Variants in ACVR2A observed in about 807,000 individuals in gnomAD.
ACVR2A encodes activin A receptor type 2A.
A neutral mutation model predicts 61.4 loss-of-function variants in ACVR2A; 7 were observed. The ratio of observed to expected loss-of-function variants is 0.11; its 90% confidence interval spans 0.06 to 0.21. The LOEUF (loss-of-function observed/expected upper bound fraction) is 0.21, where lower values mean the gene tolerates loss of function less well. Ranked by LOEUF, ACVR2A falls within the 10% of genes least tolerant of loss-of-function variation. The pLI, the probability that ACVR2A is intolerant of heterozygous loss-of-function variation, is 1.00. For synonymous variants in ACVR2A, 193 were observed against 208.3 expected, an observed-to-expected ratio of 0.93 and a Z score of 0.63; for missense variants, 322 against 621.7, an observed-to-expected ratio of 0.52 and a Z score of 5.13.
chr2:147,917,395 A>G lies in ACVR2A; in HGVS notation c.785A>G (p.Asp262Gly). Reference protein sequence around the residue: ...AEKRGTSVDVDLWLITAFHEK... With the variant: ...AEKRGTSVDVGLWLITAFHEK... The stretch of plus-strand genomic sequence containing the variant: ...AAACGAGGCACCAGTGTTGATGTGG[A>G]TCTTTGGCTGATCACAGCATTTCAT... Residue 262 changes from aspartate to glycine, a missense_variant, in exon 6 of 11, where the codon GAT becomes GGT. Around this residue, in one of 3 missense-constraint regions of ACVR2A, gnomAD observed 146 missense variants for 383.8 expected, o/e 0.38. Transcript: ENST00000241416. 1.2e-6 allele frequency: 2 copies of G among 1,612,272 alleles called. No homozygotes were observed. Among genetic ancestry groups the G allele is most frequent in the Non-Finnish European group, 1.7e-6 (2 of 1,178,844 alleles).
rs1055389369 is a variant in ACVR2A, at chr2:147,930,658, TG to T, written c.*3385del. 1 of 152,424 alleles carries T rather than the reference TG, an allele frequency of 6.6e-6. No individual in the cohort carries two copies. The highest frequency in any genetic ancestry group is 1.5e-5 in the Non-Finnish European group (1 of 67,978). The allele number at this position is 152,424 out of a possible 1,614,324, so 9.4% of individuals were successfully genotyped here. On this transcript the variant is annotated 3_prime_UTR_variant, in exon 11 of 11. Coordinates refer to ENST00000241416, the MANE Select transcript of ACVR2A (RefSeq NM_001616.5). ...TTCTTGTGTTTTGGGCACAGGTTAT[TG>T]TACTACTGTCAAATCGTACTTGCTA...
chr2:147,849,396 C>G (rs542001530), intron 1 of ACVR2A, among the ~76,000 whole-genome samples: 1 of 151,946 alleles, frequency 6.6e-6, no homozygotes, highest in Non-Finnish European at 1.5e-5. Context: ...GGTAGAAATT[C>G]TGTTTTTTTA....
At chr2:147,851,256 T>C (rs1206777981) in intron 1 of ACVR2A, among the ~76,000 whole-genome samples, 1 of 152,162 alleles carries the variant, frequency 6.6e-6, no homozygotes, top group East Asian at 1.9e-4. Flanking sequence ...GGTTCCTGCC[T>C]ATTTTTTCTA....
At chr2:147,866,673 T>G (rs1573919407) in intron 1 of ACVR2A, among the ~76,000 whole-genome samples, 1 of 152,016 alleles carries the variant, frequency 6.6e-6, no homozygotes. Context: ...TGCTAGCGAG[T>G]GTTAACTTCA....
At chr2:147,850,517 T>C (rs781593744) in intron 1 of ACVR2A, among the ~76,000 whole-genome samples, 2 of 152,182 alleles carry the variant, frequency 1.3e-5, no homozygotes, top group Non-Finnish European at 2.9e-5. Flanking sequence ...TTATTATTCA[T>C]TTATCATCTC....
rs1558819328 is a variant in ACVR2A at position 147,930,315 on chromosome 2, G to A, written c.*3041G>A. On this transcript the variant is annotated 3_prime_UTR_variant, in exon 11 of 11. Coordinates refer to ENST00000241416, the MANE Select transcript of ACVR2A (RefSeq NM_001616.5). ...GGTAGGGGAAAAAAAACCATGGCGA[G>A]ATGGTGGTTTAGTGGAATAAACTGA... is the stretch of plus-strand genomic sequence containing the variant. 6.6e-6 allele frequency: 1 copy of A among 150,792 alleles called. No homozygotes were observed. The highest frequency in any genetic ancestry group is 1.5e-5 in the Non-Finnish European group (1 of 67,730). The allele number at this position is 150,792 out of a possible 1,614,324, so 9.3% of individuals were successfully genotyped here. A position where few individuals can be genotyped will look rare whatever the true frequency, so the allele number is the denominator to read the frequency against.
At chr2:147,886,131 G>A (rs1025757467) in intron 1 of ACVR2A, among the ~76,000 whole-genome samples, 1 of 152,056 alleles carries the variant, frequency 6.6e-6, no homozygotes, top group African/African-American at 2.4e-5. Flanking sequence ...TCATTCTTTT[G>A]TATAGTATTC....
intron 6 of ACVR2A, 117 bp downstream of exon 6, chr2:147,917,543 C>T (rs1040618281): frequency 2.7e-6 from 3 of 1,106,020 alleles, no homozygotes; most frequent in Non-Finnish European, 2.5e-6. Flanking sequence ...TAATATTTAA[C>T]CTGAAAATAA....
chr2:147,890,341 A>AGT (rs60514095), intron 1 of ACVR2A, among the ~76,000 whole-genome samples: 4,075 of 148,764 alleles, frequency 0.027, 117 homozygotes, highest in African/African-American at 0.072. Context: ...CCATTAGTAT[A>AGT]GTGTGTGTGT....
chr2:147,855,266 ATGGCACAGTTTC>A (rs1031791943), intron 1 of ACVR2A, among the ~76,000 whole-genome samples: 2 of 152,182 alleles, frequency 1.3e-5, no homozygotes, highest in African/African-American at 4.8e-5. Flanking sequence ...CTTCCAATGC[ATGGCACAGTTTC>A]TGGCACAGAG....
chr2:147,899,955 T>G (rs1686833291), intron 4 of ACVR2A, 57 bp downstream of exon 4: 2 of 1,541,488 alleles, frequency 1.3e-6, no homozygotes, highest in African/African-American at 2.7e-5. Flanking sequence ...TGAGAAATAT[T>G]ACTGTGGTGA....
At chr2:147,903,092 T>C (rs1686908710) in intron 4 of ACVR2A, 1 of 151,954 alleles carries the variant, frequency 6.6e-6, no homozygotes, top group African/African-American at 2.4e-5. Context: ...TTTAGAATTT[T>C]TCCTGGTTGT....
chr2:147,852,805 A>G (rs896345165), intron 1 of ACVR2A, among the ~76,000 whole-genome samples: 1 of 152,142 alleles, frequency 6.6e-6, no homozygotes, highest in Middle Eastern at 3.2e-3. Context: ...AAATAGCATC[A>G]GGAACACAAT....
At chr2:147,867,440 C>G (rs1335989054) in intron 1 of ACVR2A, among the ~76,000 whole-genome samples, 2 of 152,088 alleles carry the variant, frequency 1.3e-5, no homozygotes, top group Admixed American at 1.3e-4. Context: ...TCTTCAAAAT[C>G]CAAGCAATTA....
Position 147,916,451 on chromosome 2 carries a change from G to A in ACVR2A, c.673-832G>A, listed in dbSNP as rs560128190. Among the ~76,000 whole-genome samples, 7 of 151,868 alleles carry A rather than the reference G, an allele frequency of 4.6e-5. No homozygotes were observed. In the South Asian group the frequency reaches 1.4e-3, roughly 31 times the overall value. On this transcript the variant is annotated intron_variant, in intron 5 of 10. Transcript: ENST00000241416. ...TACATATATGAGTACTCACTAATAT[G>A]TGTACGTATATTACCCACATGTACA...
At chr2:147,899,384 C>T in intron 2 of ACVR2A, 74 bp from the exon 3 acceptor site, 1 of 908,096 alleles carries the variant, frequency 1.1e-6, no homozygotes, top group South Asian at 2.7e-5. Context: ...TATTTTATTG[C>T]AGAATAAAAA....
chr2:147,928,159 T>TAAG lies in ACVR2A; in HGVS notation c.*886_*888dup, dbSNP rs1687551464. 6.6e-6 allele frequency: 1 copy of TAAG among 152,326 alleles called. No homozygotes were observed. The highest frequency in any genetic ancestry group is 2.4e-5 in the African/African-American group (1 of 41,392). The allele number at this position is 152,326 out of a possible 1,614,324, so 9.4% of individuals were successfully genotyped here. The stretch of plus-strand genomic sequence containing the variant: ...AGTTCCCAAAATTTGCATACTTACC[T>TAAG]AAGTATTTTTTTTAGGTGTGCTGTG... On this transcript the variant is annotated 3_prime_UTR_variant, in exon 11 of 11. Transcript: ENST00000241416.
chr2:147,906,294 G>A (rs532680106), intron 4 of ACVR2A, among the ~76,000 whole-genome samples: 91 of 152,068 alleles, frequency 6.0e-4, no homozygotes, highest in African/African-American at 1.9e-3. Context: ...TTGCTTAACC[G>A]CTCACTCAAT....
At chr2:147,888,602 A>G (rs772297391) in intron 1 of ACVR2A, among the ~76,000 whole-genome samples, 1 of 150,996 alleles carries the variant, frequency 6.6e-6, no homozygotes, top group African/African-American at 2.4e-5. Context: ...TAGAAATGCA[A>G]TTGATTTTTG....
Sources: allele counts gnomAD v4.1 joint callset (sites outside exome capture counted in the v4.1 genomes callset), GRCh38; gene constraint gnomAD v4.1.1; regional missense constraint gnomAD v4.1.1; transcripts MANE v1.5; gene names NCBI Gene and HGNC (gene_info 2026-07-23, HGNC 2026-07-21).